Variants in CCDC198 observed in about 807,000 individuals in gnomAD.
The protein encoded by CCDC198 is factor associated with metabolism and energy.
A neutral mutation model predicts 35.6 loss-of-function variants in CCDC198; 18 were observed. That is an observed-to-expected ratio of 0.51 (90% CI 0.35 to 0.75). The LOEUF is 0.75. Ranked by LOEUF, CCDC198 falls within the 30% of genes least tolerant of loss-of-function variation. The probability of loss-of-function intolerance (pLI) is 0.01; values close to 1 mark genes in which losing one functional copy is unlikely to be tolerated. For missense variants in CCDC198, 365 were observed against 343.7 expected (o/e 1.06, Z -0.49); for synonymous variants, 119 against 113.4 (o/e 1.05, Z -0.31).
intron 2 of CCDC198, 29 bp downstream of exon 2, chr14:57,490,960 C>A (rs757101530): frequency 2.0e-6 from 3 of 1,503,788 alleles, no homozygotes; most frequent in Non-Finnish European, 1.8e-6. Flanking sequence ...CCAAGAAATT[C>A]CTTATGAAGC....
At chr14:57,475,482 T>A in intron 5 of CCDC198, 1 of 1,218,580 alleles carries the variant, frequency 8.2e-7, no homozygotes, top group Non-Finnish European at 1.1e-6. Flanking sequence ...ATGCCTGTAA[T>A]CGGATCATGA....
In CCDC198 at chr14:57,493,260, A is replaced by G. The variant is rs78374535; in HGVS notation, c.223+233T>C. On this transcript the variant is annotated intron_variant, in intron 1 of 5. Transcript: ENST00000216445. The stretch of plus-strand genomic sequence containing the variant: ...AAACAAAATGATTTATCCTTCTCAT[A>G]TGGAATAGTGAAAAGTCCTTTGTAC... 3.3e-3 allele frequency among the ~76,000 whole-genome samples: 509 copies of G among 152,292 alleles called. 3 individuals are homozygous for G. The highest frequency in any genetic ancestry group is 0.012 in the African/African-American group (485 of 41,562).
chr14:57,475,777 G>A, intron 5 of CCDC198: 2 of 282,898 alleles, frequency 7.1e-6, no homozygotes, highest in Admixed American at 5.4e-5. Flanking sequence ...CATTTGTACG[G>A]CACTTAGCTT....
rs563349818 is a variant in CCDC198 at position 57,472,744 on chromosome 14, T to C, written c.656-1154A>G. On this transcript the variant is annotated intron_variant, in intron 5 of 5. Transcript: ENST00000216445. ...TTATGTGCATATGTATTTACCTTAG[T>C]TTTTTATTTAAGCAGTTCCCAGCAT... 5.3e-5 allele frequency among the ~76,000 whole-genome samples: 8 copies of C among 152,346 alleles called. 1 individual carries two copies. Among genetic ancestry groups the C allele is most frequent in the African/African-American group, 1.9e-4 (8 of 41,584 alleles).
rs1166535703 is a variant in CCDC198, at chr14:57,469,886, C to T, written c.*1469G>A. The T allele has an allele frequency of 3.9e-5, 6 of 152,116 alleles. No individual in the cohort carries two copies. In the East Asian group the frequency reaches 1.2e-3, roughly 29 times the overall value. 9.4% of individuals were successfully genotyped at this position (152,116 alleles called of 1,614,324 possible). On this transcript the variant is annotated 3_prime_UTR_variant, in exon 6 of 6. Coordinates refer to ENST00000216445, the MANE Select transcript of CCDC198 (RefSeq NM_018168.4). ...ATTTTTTTCTGTTTTTGGAGTCTTC[C>T]CATATAAGGCACAAAAGGGTCTTTT...
At chr14:57,473,088 T>C (rs1209450716) in intron 5 of CCDC198, among the ~76,000 whole-genome samples, 4 of 152,236 alleles carry the variant, frequency 2.6e-5, no homozygotes, top group Non-Finnish European at 4.4e-5. Context: ...AAGATTGACA[T>C]ACAAAAGCTA....
intron 5 of CCDC198, among the ~76,000 whole-genome samples, chr14:57,472,429 T>A (rs1343483182): frequency 6.6e-6 from 1 of 152,238 alleles, no homozygotes; most frequent in Non-Finnish European, 1.5e-5. Context: ...ACCTTATTAT[T>A]TCCTTGTTAT....
At position 57,491,026 on chromosome 14, in the gene CCDC198, G is replaced by A. The variant is rs775611100; in HGVS notation, c.269C>T (p.Thr90Ile). The A allele has an allele frequency of 2.5e-6, 4 of 1,609,484 alleles. No homozygotes were observed. The Admixed American group carries it at 5.0e-5, about 20-fold the overall frequency. ...GGGTGGATGCCTTTTAATAATACTTGTTTCTCTGTGTTCCAGTGGGATGTC... is the reference window on the plus strand; with the variant it reads ...GGGTGGATGCCTTTTAATAATACTTATTTCTCTGTGTTCCAGTGGGATGTC... ...YFDIPLEHRE[T>I]SIIKRHPPQR... The change falls in exon 2 of 6, where the codon ACA becomes ATA. Residue 90 changes from threonine to isoleucine, a missense_variant. Coordinates refer to ENST00000216445, the MANE Select transcript of CCDC198 (RefSeq NM_018168.4).
Position 57,480,634 on chromosome 14 carries a change from G to C in CCDC198, c.616C>G (p.Leu206Val), listed in dbSNP as rs1456140600. 1.5e-5 allele frequency: 24 copies of C among 1,614,032 alleles called. No homozygotes were observed. The East Asian group carries it at 5.3e-4, about 36-fold the overall frequency. ...STPRNDDHDLLTMLPDEILNR... is the reference protein window; with the variant it reads ...STPRNDDHDLVTMLPDEILNR... ...AAGATTTCATCAGGCAACATGGTTA[G>C]AAGGTCATGGTCATCATTCCTTGGG... Residue 206 changes from leucine (L) to valine (V), a missense_variant, in exon 5 of 6, where the codon CTA (leucine) becomes GTA (valine). Leu to Val is a conservative substitution (Grantham distance 32). Transcript: ENST00000216445.
chr14:57,482,599 T>TA (rs1432798215), intron 3 of CCDC198, among the ~76,000 whole-genome samples: 1 of 152,208 alleles, frequency 6.6e-6, no homozygotes, highest in East Asian at 1.9e-4. Context: ...AGGGAAAAGA[T>TA]ACACAGAAGA....
At chr14:57,481,285 T>G (rs1347780696) in intron 4 of CCDC198, among the ~76,000 whole-genome samples, 1 of 152,218 alleles carries the variant, frequency 6.6e-6, no homozygotes, top group East Asian at 1.9e-4. Context: ...AGCCCCATTT[T>G]CCTATGTCCA....
intron 2 of CCDC198, among the ~76,000 whole-genome samples, chr14:57,490,508 G>C (rs2067526220): frequency 6.6e-6 from 1 of 152,062 alleles, no homozygotes; most frequent in Non-Finnish European, 1.5e-5. Flanking sequence ...TTGATATCTG[G>C]CCTCTGTGAG....
intron 3 of CCDC198, among the ~76,000 whole-genome samples, 192 bp downstream of exon 3, chr14:57,482,873 G>A (rs555805580): frequency 1.3e-5 from 2 of 152,330 alleles, no homozygotes; most frequent in East Asian, 3.9e-4. Flanking sequence ...AATAGCCACT[G>A]CCAGTTGGAG....
intron 2 of CCDC198, among the ~76,000 whole-genome samples, chr14:57,486,640 C>T (rs149023269): frequency 1.3e-5 from 2 of 152,132 alleles, no homozygotes; most frequent in East Asian, 3.9e-4. Flanking sequence ...AATAAAGGAA[C>T]GACATCATAA....
At position 57,471,554 on chromosome 14, in the gene CCDC198, G is replaced by C; in HGVS notation, c.692C>G (p.Ala231Gly). ...SKNTEFLKHQAVNNYCPWKIG... is the reference protein window; with the variant it reads ...SKNTEFLKHQGVNNYCPWKIG... ...TTTCCAGGGACAGTAGTTATTCACT[G>C]CTTGATGTTTCAAAAATTCTGTATT... is the stretch of plus-strand genomic sequence containing the variant. The change falls in exon 6 of 6, where the codon GCA becomes GGA. Residue 231 changes from alanine (A) to glycine (G), a missense_variant. Coordinates refer to ENST00000216445, the MANE Select transcript of CCDC198 (RefSeq NM_018168.4). The C allele has an allele frequency of 6.2e-7, 1 of 1,601,242 alleles. No homozygotes were observed. Among genetic ancestry groups the C allele is most frequent in the Non-Finnish European group, 8.5e-7 (1 of 1,175,592 alleles).
In CCDC198 at chr14:57,478,469, T is replaced by C. The variant is rs1203185876; in HGVS notation, c.655+2126A>G. The C allele has an allele frequency of 2.5e-5, 25 of 986,128 alleles. No homozygotes were observed. The Admixed American group carries it at 1.4e-3, about 55-fold the overall frequency. The allele number at this position is 986,128 out of a possible 1,614,324, so 61.1% of individuals were successfully genotyped here. A position where few individuals can be genotyped will look rare whatever the true frequency, so the allele number is the denominator to read the frequency against. On this transcript the variant is annotated intron_variant, in intron 5 of 5. Coordinates refer to ENST00000216445, the MANE Select transcript of CCDC198 (RefSeq NM_018168.4). The stretch of plus-strand genomic sequence containing the variant: ...TAGTAAGCACTCAACAAACCTTAGC[T>C]TGAACAAAACGAAGCAGCTTTAAAA...
At chr14:57,483,261 CTG>C in intron 2 of CCDC198, 110 bp from the exon 3 acceptor site, 2 of 1,511,312 alleles carry the variant, frequency 1.3e-6, no homozygotes, top group Non-Finnish European at 1.8e-6. Flanking sequence ...GCACTTATTT[CTG>C]AGAGCATACA....
chr14:57,483,856 G>C (rs1594804183), intron 2 of CCDC198, among the ~76,000 whole-genome samples: 1 of 152,212 alleles, frequency 6.6e-6, no homozygotes, highest in Admixed American at 6.5e-5. Flanking sequence ...AACGTGGAGG[G>C]CCACAGAGTT....
At chr14:57,479,666 G>A (rs959034879) in intron 5 of CCDC198, among the ~76,000 whole-genome samples, 10 of 152,146 alleles carry the variant, frequency 6.6e-5, no homozygotes, top group African/African-American at 1.9e-4. Context: ...TTTAATTACC[G>A]AGTAGAGTTA....
Sources: gnomAD v4.1 joint callset for allele counts (sites outside exome capture counted in the v4.1 genomes callset) on GRCh38, gnomAD v4.1.1 for gene constraint, MANE v1.5 for transcripts, NCBI Gene and HGNC (gene_info 2026-07-23, HGNC 2026-07-21) for gene names.